SGMS1: variants seen among roughly 807,000 people sequenced by gnomAD.
SGMS1 encodes the protein phosphatidylcholine:ceramide cholinephosphotransferase 1.
In SGMS1, 13 loss-of-function variants were observed where a neutral mutation model predicts 46.2. The ratio of observed to expected loss-of-function variants is 0.28; its 90% confidence interval spans 0.18 to 0.45. The LOEUF is 0.45. Ranked by LOEUF, SGMS1 falls within the 20% of genes least tolerant of loss-of-function variation. The pLI, the probability that SGMS1 is intolerant of heterozygous loss-of-function variation, is 1.00. For missense variants in SGMS1, 324 were observed against 519.9 expected, an observed-to-expected ratio of 0.62 and a Z score of 3.66; for synonymous variants, 203 against 187.8, an observed-to-expected ratio of 1.08 and a Z score of -0.66.
At chr10:50,500,103 G>A (rs1005811588) in intron 3 of SGMS1, among the ~76,000 whole-genome samples, 1 of 152,204 alleles carries the variant, frequency 6.6e-6, no homozygotes, top group African/African-American at 2.4e-5. Context: ...GGGAGGTGGA[G>A]GTTGCAGTGA....
chr10:50,584,498 CAAA>C (rs751224205), intron 2 of SGMS1, among the ~76,000 whole-genome samples: 5 of 69,546 alleles, frequency 7.2e-5, no homozygotes. Context: ...GACTCCATCT[CAAA>C]AAAAAAAAAA....
intron 2 of SGMS1, among the ~76,000 whole-genome samples, chr10:50,540,232 C>T (rs928451813): frequency 2.0e-5 from 3 of 152,128 alleles, no homozygotes; most frequent in Non-Finnish European, 4.4e-5. Context: ...AGGTTTCATG[C>T]CACATGCCAA....
At chr10:50,555,462 A>G (rs1318800317) in intron 2 of SGMS1, among the ~76,000 whole-genome samples, 1 of 152,198 alleles carries the variant, frequency 6.6e-6, no homozygotes, top group Admixed American at 6.5e-5. Flanking sequence ...AGCCAGCCAG[A>G]AGATTCCAAT....
intron 6 of SGMS1, among the ~76,000 whole-genome samples, chr10:50,430,902 T>C (rs1413221845): frequency 1.3e-5 from 2 of 152,164 alleles, no homozygotes. Flanking sequence ...TTTTTGTTTA[T>C]ATCAACAAAC....
intron 6 of SGMS1, among the ~76,000 whole-genome samples, chr10:50,411,925 A>G (rs1192145456): frequency 6.6e-6 from 1 of 152,222 alleles, no homozygotes; most frequent in Non-Finnish European, 1.5e-5. Context: ...AAGTTAGCTT[A>G]ATGAAGGCCT....
chr10:50,396,984 C>T (rs1462990956), intron 6 of SGMS1, among the ~76,000 whole-genome samples: 1 of 152,074 alleles, frequency 6.6e-6, no homozygotes, highest in Non-Finnish European at 1.5e-5. Context: ...GTACGGGACA[C>T]TCAAAATGTG....
intron 6 of SGMS1, among the ~76,000 whole-genome samples, chr10:50,430,923 TG>T (rs1347816744): frequency 6.6e-6 from 1 of 152,120 alleles, no homozygotes; most frequent in African/African-American, 2.4e-5. Context: ...ATGAGTTTGT[TG>T]ATATGAACAT....
At position 50,458,659 on chromosome 10, in the gene SGMS1, G is replaced by A. The variant is rs758563345; in HGVS notation, c.-313+2014C>T. Among the ~76,000 whole-genome samples, 14 of 151,794 alleles carry A rather than the reference G, an allele frequency of 9.2e-5. No individual in the cohort carries two copies. The South Asian group carries it at 1.9e-3, about 20-fold the overall frequency. On this transcript the variant is annotated intron_variant, in intron 5 of 10. Coordinates refer to ENST00000361781, the MANE Select transcript of SGMS1 (RefSeq NM_147156.4). The stretch of plus-strand genomic sequence containing the variant: ...CAGGCATGAGCCACCGCTTCCGGCC[G>A]GCTCTATTCTGTAATCACATGAGCT...
intron 7 of SGMS1, chr10:50,340,370 C>G (rs1564880429): frequency 6.6e-6 from 1 of 152,182 alleles, no homozygotes; most frequent in Non-Finnish European, 1.5e-5. Flanking sequence ...ATCATGCTTT[C>G]TTAAAACAAG....
At chr10:50,470,070 T>C (rs572568092) in intron 3 of SGMS1, among the ~76,000 whole-genome samples, 9 of 152,312 alleles carry the variant, frequency 5.9e-5, no homozygotes, top group Middle Eastern at 3.4e-3. Context: ...TTGTCTGCTA[T>C]GGACACACGA....
intron 2 of SGMS1, among the ~76,000 whole-genome samples, chr10:50,538,665 G>T (rs1838025735): frequency 6.6e-6 from 1 of 152,090 alleles, no homozygotes; most frequent in Non-Finnish European, 1.5e-5. Context: ...AACACCAGAG[G>T]AGAGGGATGA....
intron 7 of SGMS1, chr10:50,335,284 T>C (rs547701860): frequency 6.6e-6 from 1 of 152,114 alleles, no homozygotes; most frequent in Non-Finnish European, 1.5e-5. Context: ...TGAAGTGAGA[T>C]CTCATCTCAA....
At chr10:50,561,325 G>A (rs995547163) in intron 2 of SGMS1, among the ~76,000 whole-genome samples, 2 of 152,144 alleles carry the variant, frequency 1.3e-5, no homozygotes, top group East Asian at 1.9e-4. Flanking sequence ...TGACAACTGC[G>A]GAAACTGAGG....
chr10:50,332,555 A>C, intron 7 of SGMS1, among the ~76,000 whole-genome samples: 1 of 137,042 alleles, frequency 7.3e-6, no homozygotes, highest in South Asian at 2.5e-4. Context: ...GATTGTGACA[A>C]CTCCCCTCAT....
intron 3 of SGMS1, among the ~76,000 whole-genome samples, chr10:50,470,353 CT>C (rs1349948208): frequency 6.6e-6 from 1 of 152,036 alleles, no homozygotes; most frequent in African/African-American, 2.4e-5. Flanking sequence ...TTTGTGTTTT[CT>C]TCCTTTATAC....
At chr10:50,569,174 G>T (rs11006161) in intron 2 of SGMS1, among the ~76,000 whole-genome samples, 7,469 of 151,700 alleles carry the variant, frequency 0.049, 527 homozygotes, top group African/African-American at 0.16. Context: ...CTAGGGGAGG[G>T]ATAGCATTAG....
intron 1 of SGMS1, among the ~76,000 whole-genome samples, chr10:50,613,220 A>G (rs1838766578): frequency 6.6e-6 from 1 of 152,076 alleles, no homozygotes; most frequent in Non-Finnish European, 1.5e-5. Context: ...CCTTCTGTGC[A>G]CTCTGCTGAC....
intron 3 of SGMS1, among the ~76,000 whole-genome samples, chr10:50,493,735 T>TAG (rs999099600): frequency 1.3e-5 from 2 of 152,102 alleles, no homozygotes; most frequent in African/African-American, 4.8e-5. Flanking sequence ...CACTGATCAT[T>TAG]AGAGAAGTGC....
intron 6 of SGMS1, among the ~76,000 whole-genome samples, chr10:50,386,457 C>T (rs1848683886): frequency 6.6e-6 from 1 of 152,170 alleles, no homozygotes; most frequent in Non-Finnish European, 1.5e-5. Flanking sequence ...TCATTACTAG[C>T]TAAGCTCTTC....
Sources: allele counts gnomAD v4.1 joint callset (sites outside exome capture counted in the v4.1 genomes callset), GRCh38; gene constraint gnomAD v4.1.1; transcripts MANE v1.5; gene names NCBI Gene and HGNC (gene_info 2026-07-23, HGNC 2026-07-21).